CPAMD8: variants seen among roughly 807,000 people sequenced by gnomAD.
CPAMD8 encodes C3 and PZP like alpha-2-macroglobulin domain containing 8.
A neutral mutation model predicts 224.7 loss-of-function variants in CPAMD8; 146 were observed. That is an observed-to-expected ratio of 0.65 (90% CI 0.57 to 0.75). The LOEUF (loss-of-function observed/expected upper bound fraction) is 0.75. CPAMD8 is among the 30% of genes least tolerant of loss of function. CPAMD8 has a pLI of 0.00. For synonymous variants in CPAMD8, 966 were observed against 1,044.6 expected (o/e 0.92, Z 1.45); for missense variants, 2,301 against 2,537.5 (o/e 0.91, Z 2.00).
chr19:16,973,995 A>G (rs940595034), intron 17 of CPAMD8, among the ~76,000 whole-genome samples: 1 of 149,004 alleles, frequency 6.7e-6, no homozygotes, highest in Admixed American at 6.7e-5. Flanking sequence ...ACGCCCAGCT[A>G]ATTATTGTGT....
chr19:16,921,054 G>A (rs1286062287), intron 27 of CPAMD8, among the ~76,000 whole-genome samples: 1 of 152,016 alleles, frequency 6.6e-6, no homozygotes, highest in Non-Finnish European at 1.5e-5. Context: ...CGGCAAGGCA[G>A]GGCCCTGGGA....
At chr19:16,977,261 C>T in intron 15 of CPAMD8, 107 bp downstream of exon 15, 2 of 710,940 alleles carry the variant, frequency 2.8e-6, no homozygotes, top group South Asian at 1.7e-5. Context: ...TTACATCATG[C>T]TGCGACACAA....
intron 19 of CPAMD8, among the ~76,000 whole-genome samples, chr19:16,956,708 C>T (rs1249929263): frequency 2.0e-5 from 3 of 151,884 alleles, no homozygotes; most frequent in Non-Finnish European, 2.9e-5. Flanking sequence ...TGCTCTGTCA[C>T]CCAGGCTGGA....
chr19:17,019,992 G>A (rs1358660424), intron 3 of CPAMD8, among the ~76,000 whole-genome samples: 1 of 67,776 alleles, frequency 1.5e-5, no homozygotes, highest in Non-Finnish European at 2.7e-5. Flanking sequence ...TTTTTTTGGT[G>A]AGACGGAGAT....
chr19:16,931,976 C>T (rs900515341), intron 23 of CPAMD8, among the ~76,000 whole-genome samples: 2 of 152,148 alleles, frequency 1.3e-5, no homozygotes, highest in Non-Finnish European at 2.9e-5. Flanking sequence ...TTGGAAGAAG[C>T]GACTGTTACA....
intron 29 of CPAMD8, among the ~76,000 whole-genome samples, chr19:16,909,965 C>T (rs150359500): frequency 1.3e-5 from 2 of 152,052 alleles, no homozygotes; most frequent in East Asian, 3.9e-4. Context: ...GATTCTCCTG[C>T]CTCAGCCTCC....
intron 16 of CPAMD8, 37 bp downstream of exon 16, chr19:16,975,965 T>C (rs2055250996): frequency 2.0e-6 from 3 of 1,487,912 alleles, no homozygotes; most frequent in Non-Finnish European, 1.8e-6. Flanking sequence ...TAAAGCCCCG[T>C]GGAGGTCTAG....
At chr19:16,943,271 C>T (rs560705688) in intron 22 of CPAMD8, among the ~76,000 whole-genome samples, 1 of 152,248 alleles carries the variant, frequency 6.6e-6, no homozygotes, top group East Asian at 1.9e-4. Flanking sequence ...CCACCTTGGC[C>T]TCCCAAAGTG....
chr19:16,902,873 G>T lies in CPAMD8; in HGVS notation c.4471-10C>A, dbSNP rs1335828539. 4.0e-6 allele frequency: 6 copies of T among 1,512,390 alleles called. No individual in the cohort carries two copies. The highest frequency in any genetic ancestry group is 4.4e-6 in the Non-Finnish European group (5 of 1,126,450). 93.7% of individuals were successfully genotyped at this position (1,512,390 alleles called of 1,614,324 possible). ...TGTAGGTGACATCAATCTGGGGGGT[G>T]TTGGAGGATGGAGGCTTAGGGACCT... On this transcript the variant is annotated splice_polypyrimidine_tract_variant and intron_variant, in intron 34 of 41. Coordinates refer to ENST00000443236, the MANE Select transcript of CPAMD8 (RefSeq NM_015692.5).
At chr19:16,987,179 A>AAAATATATATATAT (rs1555784836) in intron 13 of CPAMD8, among the ~76,000 whole-genome samples, 1 of 53,914 alleles carries the variant, frequency 1.9e-5, no homozygotes. Context: ...AAAAAAAAAA[A>AAAATATATATATAT]ATATATATAT....
chr19:16,896,710 G>A, intron 39 of CPAMD8, 45 bp from the exon 40 acceptor site: 3 of 1,302,770 alleles, frequency 2.3e-6, no homozygotes, highest in Non-Finnish European at 3.0e-6. Context: ...CCTGAACCTT[G>A]CCCGCGCCCC....
intron 20 of CPAMD8, among the ~76,000 whole-genome samples, chr19:16,951,672 A>T (rs1181692507): frequency 6.6e-6 from 1 of 151,994 alleles, no homozygotes; most frequent in African/African-American, 2.4e-5. Context: ...CACTTACACC[A>T]AGTCCCTCTC....
chr19:16,955,992 T>C (rs912058269), intron 19 of CPAMD8, among the ~76,000 whole-genome samples: 2 of 152,122 alleles, frequency 1.3e-5, no homozygotes, highest in African/African-American at 2.4e-5. Flanking sequence ...ACGGGTGTGG[T>C]TTAAAAGAGA....
intron 22 of CPAMD8, among the ~76,000 whole-genome samples, chr19:16,942,528 A>C (rs1568504557): frequency 1.3e-5 from 2 of 152,220 alleles, no homozygotes; most frequent in East Asian, 3.8e-4. Context: ...TCTTTATAGC[A>C]ATGTAAGAAC....
intron 22 of CPAMD8, among the ~76,000 whole-genome samples, chr19:16,940,784 G>A (rs1178197207): frequency 1.3e-5 from 2 of 152,104 alleles, no homozygotes; most frequent in African/African-American, 4.8e-5. Flanking sequence ...TGGCACCCAC[G>A]GGTCATTTGC....
At position 16,928,247 on chromosome 19, in the gene CPAMD8, A is replaced by G; in HGVS notation, c.3145-13T>C. On this transcript the variant is annotated splice_polypyrimidine_tract_variant and intron_variant, in intron 24 of 41. Coordinates refer to ENST00000443236, the MANE Select transcript of CPAMD8 (RefSeq NM_015692.5). ...GACCATGGCCAACCTGGAAAAAGAAACCAAGGCTGCTGGACGCTGGCAGGA... is the reference window on the plus strand; with the variant it reads ...GACCATGGCCAACCTGGAAAAAGAAGCCAAGGCTGCTGGACGCTGGCAGGA... 6.2e-7 allele frequency: 1 copy of G among 1,606,336 alleles called. No individual in the cohort carries two copies. The highest frequency in any genetic ancestry group is 8.5e-7 in the Non-Finnish European group (1 of 1,174,098).
intron 3 of CPAMD8, among the ~76,000 whole-genome samples, chr19:17,017,692 C>A (rs2056848098): frequency 6.6e-6 from 1 of 152,184 alleles, no homozygotes; most frequent in Admixed American, 6.5e-5. Flanking sequence ...CAAAAGCCCC[C>A]TTGAGTGAGA....
intron 5 of CPAMD8, 104 bp downstream of exon 5, chr19:17,011,360 A>G (rs1172449104): frequency 1.6e-6 from 2 of 1,267,158 alleles, no homozygotes; most frequent in Admixed American, 1.9e-5. Flanking sequence ...AAGAAAATAG[A>G]AAAGAGAAGT....
intron 26 of CPAMD8, 92 bp from the exon 27 acceptor site, chr19:16,922,078 C>T (rs1486322272): frequency 8.7e-6 from 7 of 807,886 alleles, no homozygotes; most frequent in African/African-American, 6.9e-5. Flanking sequence ...TCCCCTACCC[C>T]GGATCTCCGA....
Sources: allele counts gnomAD v4.1 joint callset (sites outside exome capture counted in the v4.1 genomes callset), GRCh38; gene constraint gnomAD v4.1.1; transcripts MANE v1.5; gene names NCBI Gene and HGNC (gene_info 2026-07-23, HGNC 2026-07-21).